Variants in ARMC8 observed in about 807,000 individuals in gnomAD.
The protein encoded by ARMC8 is armadillo repeat containing 8, also known as armadillo repeat-containing protein 8.
ARMC8 carries 20 observed loss-of-function variants against 99.3 expected under a neutral mutation model. The ratio of observed to expected loss-of-function variants is 0.20; its 90% CI spans 0.14 to 0.29. The LOEUF is 0.29. Ranked by LOEUF, ARMC8 falls within the 10% of genes least tolerant of loss-of-function variation. ARMC8 has a pLI of 1.00. For missense variants in ARMC8, 569 were observed against 809.5 expected (o/e 0.70, Z 3.60); for synonymous variants, 263 against 278.3 (o/e 0.95, Z 0.55).
intron 7 of ARMC8, 89 bp from the exon 8 acceptor site, chr3:138,237,220 A>G: frequency 2.6e-6 from 3 of 1,154,830 alleles, no homozygotes; most frequent in South Asian, 2.6e-5. Context: ...AGATTTACAT[A>G]ATTTTTTAGA....
At chr3:138,244,806 G>A (rs1232282788) in intron 11 of ARMC8, among the ~76,000 whole-genome samples, 3 of 152,156 alleles carry the variant, frequency 2.0e-5, no homozygotes, top group Non-Finnish European at 2.9e-5. Flanking sequence ...TGAATTTTTC[G>A]GAGTCAGAGA....
chr3:138,284,196 A>G (rs1284705760), intron 18 of ARMC8, among the ~76,000 whole-genome samples: 2 of 152,238 alleles, frequency 1.3e-5, no homozygotes, highest in Admixed American at 6.5e-5. Flanking sequence ...ATGGCTTCCC[A>G]TAGCTCAGGA....
intron 1 of ARMC8, among the ~76,000 whole-genome samples, chr3:138,208,235 A>G (rs915203325): frequency 6.6e-6 from 1 of 152,206 alleles, no homozygotes; most frequent in African/African-American, 2.4e-5. Flanking sequence ...TGGGAGGCCA[A>G]GGCGGGCGGA....
At chr3:138,218,000 C>T (rs960865034) in intron 2 of ARMC8, among the ~76,000 whole-genome samples, 2 of 152,130 alleles carry the variant, frequency 1.3e-5, no homozygotes, top group African/African-American at 4.8e-5. Context: ...TTTTGTATAA[C>T]CAGATACCTA....
intron 1 of ARMC8, among the ~76,000 whole-genome samples, chr3:138,193,546 G>A (rs1287097403): frequency 6.6e-6 from 1 of 152,212 alleles, no homozygotes; most frequent in Non-Finnish European, 1.5e-5. Flanking sequence ...GATCATAGGC[G>A]TGAGCCACCG....
chr3:138,256,399 C>CTCCTTT (rs1559998385), intron 12 of ARMC8, among the ~76,000 whole-genome samples: 41 of 140,788 alleles, frequency 2.9e-4, no homozygotes, highest in African/African-American at 1.1e-3. Flanking sequence ...TTTTTTCCTC[C>CTCCTTT]TTCTTTTTTT....
chr3:138,236,735 T>TAAAAAAAA (rs773236078), intron 7 of ARMC8, among the ~76,000 whole-genome samples: 2 of 139,696 alleles, frequency 1.4e-5, no homozygotes, highest in Non-Finnish European at 3.1e-5. Flanking sequence ...TGGAAAGAAT[T>TAAAAAAAA]AAAAAAAAAA....
intron 18 of ARMC8, among the ~76,000 whole-genome samples, chr3:138,278,633 TATAA>T (rs1384299490): frequency 6.6e-6 from 1 of 152,236 alleles, no homozygotes; most frequent in Non-Finnish European, 1.5e-5. Flanking sequence ...GTATTGTATT[TATAA>T]ATAAATTTGG....
chr3:138,187,931 G>A (rs1009152500), intron 1 of ARMC8: 5 of 379,198 alleles, frequency 1.3e-5, no homozygotes, highest in African/African-American at 1.0e-4. Flanking sequence ...TCCTTTTAGC[G>A]ATGCCGCTTC....
chr3:138,199,591 C>G (rs2043935326), intron 1 of ARMC8, among the ~76,000 whole-genome samples: 1 of 152,128 alleles, frequency 6.6e-6, no homozygotes. Flanking sequence ...TAGTACACAT[C>G]ACCAGAACTC....
At chr3:138,235,330 GTTC>G (rs1032371478) in intron 7 of ARMC8, among the ~76,000 whole-genome samples, 1 of 150,988 alleles carries the variant, frequency 6.6e-6, no homozygotes, top group African/African-American at 2.4e-5. Flanking sequence ...TGTACCATGA[GTTC>G]TTATTGATTT....
intron 12 of ARMC8, among the ~76,000 whole-genome samples, chr3:138,251,618 TAAAG>T (rs1300832818): frequency 6.6e-6 from 1 of 152,214 alleles, no homozygotes; most frequent in Non-Finnish European, 1.5e-5. Context: ...TAAGTATTTT[TAAAG>T]AAATAACCAT....
At position 138,295,907 on chromosome 3, in the gene ARMC8, G is replaced by A. The variant is rs915075860; in HGVS notation, c.*15G>A. 1 of 1,612,934 alleles carries A rather than the reference G, an allele frequency of 6.2e-7. No homozygotes were observed. The highest frequency in any genetic ancestry group is 8.5e-7 in the Non-Finnish European group (1 of 1,179,478). ...ACCTGGCATGATGGGAGTGCCCCTG[G>A]GCACCTGCGAGCATCCCACCTCCTT... is the stretch of plus-strand genomic sequence containing the variant. On this transcript the variant is annotated 3_prime_UTR_variant, in exon 22 of 22. Coordinates refer to ENST00000469044, the MANE Select transcript of ARMC8 (RefSeq NM_001363941.2).
intron 14 of ARMC8, among the ~76,000 whole-genome samples, 155 bp downstream of exon 14, chr3:138,264,367 C>T (rs1469369264): frequency 2.0e-5 from 3 of 147,292 alleles, no homozygotes; most frequent in South Asian, 2.2e-4. Flanking sequence ...TAAGCATCTA[C>T]AAATGCTTCA....
At chr3:138,232,096 G>A (rs187460851) in intron 6 of ARMC8, among the ~76,000 whole-genome samples, 125 of 139,732 alleles carry the variant, frequency 8.9e-4, no homozygotes, top group Non-Finnish European at 1.4e-3. Context: ...ACAGCCTCCC[G>A]AGTAGCTGGG....
At position 138,187,589 on chromosome 3, in the gene ARMC8, G is replaced by A. The variant is rs2043131728; in HGVS notation, c.35G>A (p.Ser12Asn). Residue 12 changes from serine to asparagine, a missense_variant, in exon 1 of 22, where the codon AGC becomes AAC. By Grantham distance (46) the Ser-to-Asn change is conservative (BLOSUM62 1). Transcript: ENST00000469044. ...ACLLETPIRM[S>N]VLSEVTASSR... ...TTGTTGGAGACCCCAATCCGCATGA[G>A]CGTCCTTTCGGTGAGTGACCCGCCG... 2 of 1,535,808 alleles carry A rather than the reference G, an allele frequency of 1.3e-6. No homozygotes were observed. Among genetic ancestry groups the A allele is most frequent in the Non-Finnish European group, 1.7e-6 (2 of 1,146,654 alleles).
chr3:138,254,842 C>T (rs2047303573), intron 12 of ARMC8, among the ~76,000 whole-genome samples: 1 of 151,984 alleles, frequency 6.6e-6, no homozygotes, highest in African/African-American at 2.4e-5. Context: ...AACGACTTTC[C>T]CAGCTAGTAA....
chr3:138,192,133 C>G (rs2043420885), intron 1 of ARMC8, among the ~76,000 whole-genome samples: 1 of 152,274 alleles, frequency 6.6e-6, no homozygotes, highest in African/African-American at 2.4e-5. Flanking sequence ...CATTGTTTCT[C>G]TGTATCCTCA....
chr3:138,232,256 A>G (rs2046088739), intron 6 of ARMC8, among the ~76,000 whole-genome samples: 1 of 151,988 alleles, frequency 6.6e-6, no homozygotes, highest in Non-Finnish European at 1.5e-5. Flanking sequence ...GATTACAGAC[A>G]TGAGCCACTG....
Sources: gnomAD v4.1 joint callset for allele counts (sites outside exome capture counted in the v4.1 genomes callset) on GRCh38, gnomAD v4.1.1 for gene constraint, MANE v1.5 for transcripts, NCBI Gene and HGNC (gene_info 2026-07-23, HGNC 2026-07-21) for gene names.